The following FLYWCH2 variants were observed in gnomAD, a reference collection of about 807,000 sequenced individuals.
FLYWCH2 encodes the protein FLYWCH family member 2.
In FLYWCH2, 2 loss-of-function variants were observed where a neutral mutation model predicts 6.0. The ratio of observed to expected loss-of-function variants is 0.33; its 90% CI spans 0.14 to 1.04. The LOEUF is 1.04. FLYWCH2 is among the 50% of genes least tolerant of loss of function. FLYWCH2 has a pLI of 0.45. For synonymous variants in FLYWCH2, 87 were observed against 79.3 expected, an observed-to-expected ratio of 1.10 and a Z score of -0.52; for missense variants, 192 against 183.4, an observed-to-expected ratio of 1.05 and a Z score of -0.27.
In FLYWCH2 at chr16:2,897,957, TGAACAGGTGGTCCCCTGGGGTCAGCCA is replaced by T. The variant is rs777956869; in HGVS notation, c.323-1063_323-1037del. Among the ~76,000 whole-genome samples, 31 of 152,204 alleles carry T rather than the reference TGAACAGGTGGTCCCCTGGGGTCAGCCA, an allele frequency of 2.0e-4. No individual in the cohort carries two copies. The East Asian group carries it at 2.1e-3, about 10-fold the overall frequency. ...GCAGGTGGCCTTGGCTTGTGACCTC[TGAACAGGTGGTCCCCTGGGGTCAGCCA>T]GAACAGGTGGTCCCCTGGGGTCAGC... On this transcript the variant is annotated intron_variant, in intron 3 of 3. Transcript: ENST00000396958.
intron 1 of FLYWCH2, among the ~76,000 whole-genome samples, chr16:2,890,960 A>G (rs2069750651): frequency 6.6e-6 from 1 of 152,276 alleles, no homozygotes; most frequent in South Asian, 2.1e-4. Flanking sequence ...GTCCGCACAT[A>G]CTGTTTAGAA....
Position 2,886,237 on chromosome 16 carries a change from G to A in FLYWCH2, c.-200+2871G>A, listed in dbSNP as rs147941487. On this transcript the variant is annotated intron_variant, in intron 1 of 3. Coordinates refer to ENST00000396958, the MANE Select transcript of FLYWCH2 (RefSeq NM_138439.3). ...ACTTTGATGCCCAGGCTGCAGTGCA[G>A]TGTAGTGCAGTGGCGCCACCTCGGC... Among the ~76,000 whole-genome samples, 1,195 of 151,918 alleles carry A rather than the reference G, an allele frequency of 7.9e-3. 6 individuals carry two copies. The highest frequency in any genetic ancestry group is 0.02 in the Middle Eastern group (6 of 294).
At chr16:2,894,502 T>C (rs2069795219) in intron 1 of FLYWCH2, among the ~76,000 whole-genome samples, 1 of 152,176 alleles carries the variant, frequency 6.6e-6, no homozygotes, top group African/African-American at 2.4e-5. Flanking sequence ...CCGTAACTCT[T>C]TACGGCCCCA....
chr16:2,896,232 T>G (rs1300752005), intron 2 of FLYWCH2, 120 bp from the exon 3 acceptor site: 1 of 573,858 alleles, frequency 1.7e-6, no homozygotes. Flanking sequence ...TCAGGCCCCC[T>G]GTCAGTCTTG....
chr16:2,885,939 A>C (rs2069693671), intron 1 of FLYWCH2, among the ~76,000 whole-genome samples: 1 of 152,196 alleles, frequency 6.6e-6, no homozygotes, highest in Admixed American at 6.6e-5. Flanking sequence ...ACCATTTTAC[A>C]TTCCCCTCAG....
At chr16:2,890,941 G>A (rs904132124) in intron 1 of FLYWCH2, among the ~76,000 whole-genome samples, 1 of 152,172 alleles carries the variant, frequency 6.6e-6, no homozygotes, top group Non-Finnish European at 1.5e-5. Context: ...ATTTCCTGGA[G>A]GGGGAAGTGT....
At chr16:2,892,023 C>G (rs1400202828) in intron 1 of FLYWCH2, among the ~76,000 whole-genome samples, 1 of 150,728 alleles carries the variant, frequency 6.6e-6, no homozygotes, top group African/African-American at 2.4e-5. Flanking sequence ...GAAACCCTGT[C>G]TCAACTGAAA....
chr16:2,892,065 G>C (rs532461158), intron 1 of FLYWCH2, among the ~76,000 whole-genome samples: 1 of 151,614 alleles, frequency 6.6e-6, no homozygotes, highest in African/African-American at 2.4e-5. Context: ...AGTGGCCGGC[G>C]CTTGTAATCC....
At chr16:2,890,180 C>G (rs1166797340) in intron 1 of FLYWCH2, among the ~76,000 whole-genome samples, 1 of 151,472 alleles carries the variant, frequency 6.6e-6, no homozygotes, top group African/African-American at 2.4e-5. Context: ...AATCTGGGAT[C>G]TGATCCCACA....
intron 1 of FLYWCH2, among the ~76,000 whole-genome samples, chr16:2,887,582 A>T (rs12448426): frequency 0.47 from 71,472 of 150,984 alleles, 17,609 homozygotes; most frequent in Non-Finnish European, 0.55. Flanking sequence ...TATTATTATT[A>T]TTTTTTGAGA....
Position 2,899,323 on chromosome 16 carries a change from C to G in FLYWCH2, c.*174C>G. 1 of 511,216 alleles carries G rather than the reference C, an allele frequency of 2.0e-6. No individual in the cohort carries two copies. The highest frequency in any genetic ancestry group is 3.4e-6 in the Non-Finnish European group (1 of 297,158). The allele number at this position is 511,216 out of a possible 1,614,324, so 31.7% of individuals were successfully genotyped here. On this transcript the variant is annotated 3_prime_UTR_variant, in exon 4 of 4. Transcript: ENST00000396958. The stretch of plus-strand genomic sequence containing the variant: ...AGTTACTTTTGTAAGCAGAAAAATA[C>G]TTTCAAACAAGAATAAAAGAAGCTG...
intron 3 of FLYWCH2, among the ~76,000 whole-genome samples, chr16:2,897,384 T>C (rs1457856768): frequency 6.6e-6 from 1 of 152,058 alleles, no homozygotes; most frequent in Admixed American, 6.6e-5. Flanking sequence ...GGCTCACAGG[T>C]CCCATGGGAG....
intron 1 of FLYWCH2, among the ~76,000 whole-genome samples, chr16:2,893,634 C>CTTTTTTTTTTTTTT (rs35147234): frequency 6.3e-5 from 7 of 111,916 alleles, no homozygotes; most frequent in Admixed American, 1.0e-4. Flanking sequence ...TTCTTTTCTT[C>CTTTTTTTTTTTTTT]TTTTTTTTTT....
At chr16:2,891,074 C>T (rs1026882272) in intron 1 of FLYWCH2, among the ~76,000 whole-genome samples, 1 of 152,160 alleles carries the variant, frequency 6.6e-6, no homozygotes, top group African/African-American at 2.4e-5. Context: ...GTTATAATCC[C>T]GACCACTGGC....
chr16:2,891,435 C>G (rs1028146640), intron 1 of FLYWCH2, among the ~76,000 whole-genome samples: 1 of 152,018 alleles, frequency 6.6e-6, no homozygotes, highest in East Asian at 1.9e-4. Flanking sequence ...GATGGAGTCT[C>G]GCCCTATCGC....
Position 2,899,012 on chromosome 16 carries a change from C to T in FLYWCH2, c.323-37C>T, listed in dbSNP as rs780774184. 5 of 1,562,238 alleles carry T rather than the reference C, an allele frequency of 3.2e-6. No individual in the cohort carries two copies. The South Asian group carries it at 3.5e-5, about 11-fold the overall frequency. On this transcript the variant is annotated intron_variant, in intron 3 of 3. Coordinates refer to ENST00000396958, the MANE Select transcript of FLYWCH2 (RefSeq NM_138439.3). ...CAGCCAAGCTGAGCCCTCCCATCTC[C>T]ATTGACACCAGCCTGATCCACCCTC... is the stretch of plus-strand genomic sequence containing the variant.
intron 1 of FLYWCH2, among the ~76,000 whole-genome samples, chr16:2,889,030 T>G (rs1382762999): frequency 2.6e-5 from 4 of 152,022 alleles, no homozygotes; most frequent in Non-Finnish European, 5.9e-5. Context: ...TTCAGAAAAG[T>G]ATCACTTGTG....
chr16:2,891,311 A>AC (rs1056985792), intron 1 of FLYWCH2, among the ~76,000 whole-genome samples: 3 of 152,210 alleles, frequency 2.0e-5, no homozygotes, highest in African/African-American at 7.2e-5. Context: ...CAGGTCAAGG[A>AC]CCAAGGATGT....
Position 2,891,522 on chromosome 16 carries a change from A to G in FLYWCH2, c.-199-3698A>G, listed in dbSNP as rs931472085. Among the ~76,000 whole-genome samples the G allele has an allele frequency of 9.9e-5, 15 of 151,926 alleles. 1 individual carries two copies. The East Asian group carries it at 2.7e-3, about 28-fold the overall frequency. On this transcript the variant is annotated intron_variant, in intron 1 of 3. Transcript: ENST00000396958. Reference sequence around the variant, plus strand: ...CGGGTTCACGCCATTCTCTTGCCTCAGCCTCCGGAGTAGCCGGGACTACAG... The same window carrying G: ...CGGGTTCACGCCATTCTCTTGCCTCGGCCTCCGGAGTAGCCGGGACTACAG...
Sources: allele counts gnomAD v4.1 joint callset (sites outside exome capture counted in the v4.1 genomes callset), GRCh38; gene constraint gnomAD v4.1.1; transcripts MANE v1.5; gene names NCBI Gene and HGNC (gene_info 2026-07-23, HGNC 2026-07-21).